LARGE1: variants seen among roughly 807,000 people sequenced by gnomAD.
The protein encoded by LARGE1 is LARGE xylosyl- and glucuronyltransferase 1, also known as xylosyl- and glucuronyltransferase LARGE1.
A neutral mutation model predicts 87.6 loss-of-function variants in LARGE1; 43 were observed. The observed-to-expected ratio is 0.49, with a 90% CI of 0.38 to 0.63. The LOEUF is 0.63. LARGE1 is among the 30% of genes least tolerant of loss of function. The pLI is 0.00. For synonymous variants in LARGE1, 434 were observed against 394.6 expected (o/e 1.10, Z -1.18); for missense variants, 802 against 1,000.2 (o/e 0.80, Z 2.67).
In LARGE1 at chr22:33,904,390, G is replaced by A. The variant is rs531466289; in HGVS notation, c.-83+15605C>T. ...AGGTCAGTCTCAATCTCCTGACCTC[G>A]TGGTCCCCCCGCCTCGGCCTCCCAA... On this transcript the variant is annotated intron_variant, in intron 1 of 14. Transcript: ENST00000397394. Among the ~76,000 whole-genome samples the A allele has an allele frequency of 3.3e-5, 5 of 152,268 alleles. No homozygotes were observed. The East Asian group carries it at 5.8e-4, about 18-fold the overall frequency.
intron 9 of LARGE1, 28 bp from the exon 10 acceptor site, chr22:33,337,829 G>T: frequency 6.2e-7 from 1 of 1,613,812 alleles, no homozygotes; most frequent in Non-Finnish European, 8.5e-7. Context: ...AAGTGGTCAG[G>T]TATGGCAGGG....
At chr22:33,727,639 CTGTT>C (rs1363553366) in intron 2 of LARGE1, 1 of 152,184 alleles carries the variant, frequency 6.6e-6, no homozygotes, top group African/African-American at 2.4e-5. Context: ...AAATGTATGT[CTGTT>C]TATCTTCTTG....
At chr22:33,576,824 T>C (rs1035947718) in intron 5 of LARGE1, among the ~76,000 whole-genome samples, 5 of 152,182 alleles carry the variant, frequency 3.3e-5, no homozygotes, top group Non-Finnish European at 7.3e-5. Flanking sequence ...TAATACCTAA[T>C]GCAATGTAAA....
intron 2 of LARGE1, among the ~76,000 whole-genome samples, chr22:33,752,980 G>A (rs1046688477): frequency 1.2e-4 from 19 of 152,340 alleles, no homozygotes; most frequent in Non-Finnish European, 2.2e-4. Flanking sequence ...CCAGTACTTT[G>A]GGAGGCCAAG....
intron 4 of LARGE1, among the ~76,000 whole-genome samples, chr22:33,614,341 T>C (rs2079522636): frequency 1.3e-5 from 2 of 152,132 alleles, no homozygotes; most frequent in Admixed American, 1.3e-4. Context: ...TTCACTCTTT[T>C]TTCTCATGAA....
At chr22:33,389,681 C>T (rs968793155) in intron 7 of LARGE1, among the ~76,000 whole-genome samples, 2 of 152,064 alleles carry the variant, frequency 1.3e-5, no homozygotes, top group African/African-American at 2.4e-5. Context: ...CCTGTCTCTA[C>T]TAAAAATACC....
intron 11 of LARGE1, among the ~76,000 whole-genome samples, chr22:33,262,890 C>T (rs1452076046): frequency 6.6e-6 from 1 of 150,744 alleles, no homozygotes; most frequent in Non-Finnish European, 1.5e-5. Flanking sequence ...CGCTCGCCTC[C>T]CCTCCCCTTC....
At chr22:33,380,886 G>A (rs890927294) in intron 9 of LARGE1, among the ~76,000 whole-genome samples, 1 of 152,196 alleles carries the variant, frequency 6.6e-6, no homozygotes, top group East Asian at 1.9e-4. Context: ...TGAAATCTTC[G>A]TTCTGTTGAA....
intron 1 of LARGE1, among the ~76,000 whole-genome samples, chr22:33,778,139 A>G (rs2085306064): frequency 6.6e-6 from 1 of 152,224 alleles, no homozygotes; most frequent in African/African-American, 2.4e-5. Context: ...GACAGATGGA[A>G]ACATGAGTTT....
intron 2 of LARGE1, among the ~76,000 whole-genome samples, chr22:33,742,687 C>T (rs1424238097): frequency 6.6e-6 from 1 of 152,254 alleles, no homozygotes; most frequent in Non-Finnish European, 1.5e-5. Flanking sequence ...AGCTTTACTT[C>T]AACCAGATTT....
intron 6 of LARGE1, among the ~76,000 whole-genome samples, chr22:33,520,943 G>C (rs2071551847): frequency 6.6e-6 from 1 of 152,182 alleles, no homozygotes; most frequent in Non-Finnish European, 1.5e-5. Context: ...GTAGTAATTT[G>C]ATTGTGTTGT....
chr22:33,111,045 C>T, the LARGE1 span, among the ~76,000 whole-genome samples: 2 of 151,994 alleles, frequency 1.3e-5, no homozygotes, highest in Non-Finnish European at 2.9e-5. Flanking sequence ...TGGGTGGGGC[C>T]CAAGACAGAT....
chr22:33,922,179 G>A (rs1188370548), upstream of LARGE1, among the ~76,000 whole-genome samples: 3 of 151,812 alleles, frequency 2.0e-5, no homozygotes, highest in Non-Finnish European at 4.4e-5. Context: ...GTTCTTGGAA[G>A]GGGCAGGGGA....
chr22:33,275,669 A>G (rs2145815354), intron 14 of LARGE1, among the ~76,000 whole-genome samples: 1 of 152,324 alleles, frequency 6.6e-6, no homozygotes, highest in Admixed American at 6.5e-5. Flanking sequence ...TCCTTAAGGT[A>G]CTGGAAAAGG....
chr22:33,583,358 CAAAATATTAAGTCTGGAG>C, intron 5 of LARGE1, among the ~76,000 whole-genome samples: 1 of 152,232 alleles, frequency 6.6e-6, no homozygotes, highest in South Asian at 2.1e-4. Flanking sequence ...CATCACAGGG[CAAAATATTAAGTCTGGAG>C]AAAATAAATC....
chr22:33,534,609 C>A (rs925096374), intron 6 of LARGE1, among the ~76,000 whole-genome samples: 2 of 152,152 alleles, frequency 1.3e-5, no homozygotes, highest in African/African-American at 4.8e-5. Flanking sequence ...AATCCTAGGG[C>A]TGGGGTAACA....
chr22:33,669,846 C>G (rs534651210), intron 2 of LARGE1, among the ~76,000 whole-genome samples: 41 of 152,220 alleles, frequency 2.7e-4, no homozygotes, highest in Non-Finnish European at 4.3e-4. Context: ...CCTACAATTT[C>G]TCAACAGAGA....
chr22:33,909,522 GT>G (rs113177754), intron 1 of LARGE1, among the ~76,000 whole-genome samples: 33,861 of 143,052 alleles, frequency 0.24, 3,959 homozygotes, highest in African/African-American at 0.27. Context: ...TTCTTCTTTT[GT>G]TTTTTTTTTT....
intron 13 of LARGE1, among the ~76,000 whole-genome samples, chr22:33,280,749 G>A (rs1569008351): frequency 6.6e-6 from 1 of 152,170 alleles, no homozygotes; most frequent in Non-Finnish European, 1.5e-5. Flanking sequence ...AGATGAGAGA[G>A]GTTTCCTAGG....
Sources: allele counts gnomAD v4.1 joint callset (sites outside exome capture counted in the v4.1 genomes callset), GRCh38; gene constraint gnomAD v4.1.1; transcripts MANE v1.5; gene names NCBI Gene and HGNC (gene_info 2026-07-23, HGNC 2026-07-21).